The following HDAC9 variants were observed in gnomAD, a reference collection of about 807,000 sequenced individuals.
The protein encoded by HDAC9 is MEF-2 interacting transcription repressor (MITR) protein.
A neutral mutation model predicts 139.4 loss-of-function variants in HDAC9; 41 were observed. The observed-to-expected ratio is 0.29, with a 90% confidence interval of 0.23 to 0.38. HDAC9 has a LOEUF of 0.38. Among genes scored for constraint, HDAC9 ranks in the 10% least tolerant of loss-of-function variants. The pLI is 1.00. For missense variants in HDAC9, 1,147 were observed against 1,297.0 expected (o/e 0.88, Z 1.78); for synonymous variants, 517 against 476.2 (o/e 1.09, Z -1.12).
chr7:18,665,376 C>G (rs1276099652), intron 11 of HDAC9, among the ~76,000 whole-genome samples: 1 of 152,020 alleles, frequency 6.6e-6, no homozygotes, highest in Non-Finnish European at 1.5e-5. Flanking sequence ...ACTTTTTCCC[C>G]ATTTATTGAG....
At chr7:18,287,651 A>T (rs765813763), upstream of HDAC9, among the ~76,000 whole-genome samples, 6 of 152,222 alleles carry the variant, frequency 3.9e-5, no homozygotes, top group Non-Finnish European at 5.9e-5. Flanking sequence ...CAGCCAGAGC[A>T]TGCACTCTGC....
chr7:18,874,376 T>C, intron 21 of HDAC9, 102 bp from the exon 22 acceptor site: 1 of 608,036 alleles, frequency 1.6e-6, no homozygotes. Flanking sequence ...CTTTTCTTTA[T>C]TCTTGGGAGG....
chr7:18,518,254 G>A (rs1257921648), intron 2 of HDAC9, among the ~76,000 whole-genome samples: 2 of 152,098 alleles, frequency 1.3e-5, no homozygotes, highest in Non-Finnish European at 2.9e-5. Context: ...TCTTCTATAC[G>A]AATCAAAATC....
chr7:18,644,539 A>T, intron 8 of HDAC9, 132 bp from the exon 9 acceptor site: 1 of 625,712 alleles, frequency 1.6e-6, no homozygotes, highest in Admixed American at 4.0e-5. Flanking sequence ...TAACTTTTGG[A>T]TATAGAAGTC....
chr7:18,153,513 C>T (rs942347463), intron 1 of HDAC9, among the ~76,000 whole-genome samples: 2 of 152,108 alleles, frequency 1.3e-5, no homozygotes, highest in African/African-American at 2.4e-5. Flanking sequence ...TGGCCCTCTA[C>T]CAGCCTGATT....
intron 1 of HDAC9, among the ~76,000 whole-genome samples, chr7:18,338,819 G>T (rs1781778631): frequency 1.3e-5 from 2 of 151,474 alleles, no homozygotes; most frequent in Admixed American, 6.6e-5. Flanking sequence ...TTTTATGGAA[G>T]TTTACAGAGA....
At chr7:18,171,703 T>G (rs1788461959) in intron 2 of HDAC9, among the ~76,000 whole-genome samples, 2 of 152,214 alleles carry the variant, frequency 1.3e-5, no homozygotes, top group African/African-American at 4.8e-5. Flanking sequence ...ATTGAGATAA[T>G]CATTTAATTT....
chr7:18,901,692 T>C (rs1801739782), intron 22 of HDAC9, among the ~76,000 whole-genome samples: 1 of 152,200 alleles, frequency 6.6e-6, no homozygotes, highest in African/African-American at 2.4e-5. Context: ...TCAACCCACT[T>C]GGTTCGTTTT....
intron 2 of HDAC9, among the ~76,000 whole-genome samples, chr7:18,211,454 A>G (rs1791930734): frequency 6.6e-6 from 1 of 152,218 alleles, no homozygotes; most frequent in Admixed American, 6.5e-5. Flanking sequence ...CTTGCATGTG[A>G]AAATGACGTG....
At chr7:18,232,283 C>T (rs192050437) in intron 2 of HDAC9, among the ~76,000 whole-genome samples, 9 of 152,094 alleles carry the variant, frequency 5.9e-5, no homozygotes, top group Non-Finnish European at 1.2e-4. Context: ...CCAGAAGCTC[C>T]CAGGGTTGCA....
Position 18,477,398 on chromosome 7 carries a change from C to T in HDAC9, c.-41-18864C>T, listed in dbSNP as rs113475263. Among the ~76,000 whole-genome samples, 313 of 151,886 alleles carry T rather than the reference C, an allele frequency of 2.1e-3. 1 individual carries two copies. The highest frequency in any genetic ancestry group is 6.8e-3 in the Middle Eastern group (2 of 294). The stretch of plus-strand genomic sequence containing the variant: ...CAGGGTGATCAGTTATGTGTGCGTG[C>T]GTGCGTGCATGCGTGTGTGTGTGTG... On this transcript the variant is annotated intron_variant, in intron 1 of 3. Coordinates refer to the HDAC9 transcript ENST00000413509.
intron 21 of HDAC9, 39 bp from the exon 22 acceptor site, chr7:18,874,439 C>A (rs1474243884): frequency 1.5e-6 from 2 of 1,316,558 alleles, no homozygotes; most frequent in East Asian, 5.0e-5. Context: ...AAGGTATTCA[C>A]CAGTCCCACG....
intron 21 of HDAC9, among the ~76,000 whole-genome samples, chr7:18,871,158 A>G (rs931340131): frequency 6.6e-5 from 10 of 152,218 alleles, no homozygotes; most frequent in African/African-American, 2.4e-4. Context: ...TGTTTGGATT[A>G]TAATCCAATA....
At chr7:18,773,810 T>G (rs28464929) in intron 16 of HDAC9, among the ~76,000 whole-genome samples, 16,317 of 152,012 alleles carry the variant, frequency 0.11, 1,078 homozygotes, top group African/African-American at 0.18. Context: ...GCATTTGTAT[T>G]TTTCATCTGT....
rs1241176492 is a variant in HDAC9 at position 18,281,555 on chromosome 7, AG to A, written c.25+119207del. 2.6e-5 allele frequency among the ~76,000 whole-genome samples: 4 copies of A among 152,338 alleles called. No individual in the cohort carries two copies. In the East Asian group the frequency reaches 7.7e-4, roughly 29 times the overall value. ...ATAATAGCCTACGATTTGACTCCAAAGCTTCAGCGTAGAAGAGGAATTCTTC... is the reference window on the plus strand; with the variant it reads ...ATAATAGCCTACGATTTGACTCCAAACTTCAGCGTAGAAGAGGAATTCTTC... On this transcript the variant is annotated intron_variant, in intron 2 of 12. Coordinates refer to the HDAC9 transcript ENST00000417496.
intron 22 of HDAC9, among the ~76,000 whole-genome samples, chr7:18,926,597 T>C (rs1231820709): frequency 3.9e-5 from 6 of 152,090 alleles, no homozygotes; most frequent in African/African-American, 9.7e-5. Context: ...TTGTAAATAA[T>C]AGTTGATTTG....
At chr7:18,820,709 A>G (rs1289724599) in intron 17 of HDAC9, among the ~76,000 whole-genome samples, 1 of 152,188 alleles carries the variant, frequency 6.6e-6, no homozygotes, top group East Asian at 1.9e-4. Flanking sequence ...GTCAGATACT[A>G]TGTAAATCTA....
chr7:18,716,646 A>T (rs910195755), intron 12 of HDAC9, among the ~76,000 whole-genome samples: 102 of 152,184 alleles, frequency 6.7e-4, no homozygotes, highest in African/African-American at 2.4e-3. Context: ...AATATTCTGT[A>T]TATAGGTAGT....
chr7:18,205,789 A>T (rs1370345009), intron 2 of HDAC9, among the ~76,000 whole-genome samples: 1 of 152,122 alleles, frequency 6.6e-6, no homozygotes, highest in Non-Finnish European at 1.5e-5. Flanking sequence ...AAACATACGC[A>T]TCTTATGGAT....
Sources: gnomAD v4.1 joint callset for allele counts (sites outside exome capture counted in the v4.1 genomes callset) on GRCh38, gnomAD v4.1.1 for gene constraint, MANE v1.5 for transcripts, NCBI Gene and HGNC (gene_info 2026-07-23, HGNC 2026-07-21) for gene names.